The following HDAC9 variants were observed in gnomAD, a reference collection of about 807,000 sequenced individuals.
HDAC9 encodes the protein MEF-2 interacting transcription repressor (MITR) protein.
In HDAC9, 41 loss-of-function variants were observed where a neutral mutation model predicts 139.4. The observed-to-expected ratio is 0.29, with a 90% CI of 0.23 to 0.38. HDAC9 has a LOEUF of 0.38. HDAC9 is among the 10% of genes least tolerant of loss of function. The pLI is 1.00. For synonymous variants in HDAC9, 517 were observed against 476.2 expected, an observed-to-expected ratio of 1.09 and a Z score of -1.12; for missense variants, 1,147 against 1,297.0, an observed-to-expected ratio of 0.88 and a Z score of 1.78.
chr7:18,694,601 T>C (rs569693347), intron 12 of HDAC9, among the ~76,000 whole-genome samples: 1 of 152,172 alleles, frequency 6.6e-6, no homozygotes, highest in South Asian at 2.1e-4. Context: ...TCAGTCCTTA[T>C]AATAATGGAA....
At chr7:18,720,028 T>A (rs140504844) in intron 12 of HDAC9, among the ~76,000 whole-genome samples, 115 of 152,324 alleles carry the variant, frequency 7.5e-4, no homozygotes, top group Non-Finnish European at 1.2e-3. Context: ...AGGAACACAC[T>A]GTTTTAATTA....
At chr7:18,268,689 G>T (rs1174987171) in intron 2 of HDAC9, among the ~76,000 whole-genome samples, 1 of 152,184 alleles carries the variant, frequency 6.6e-6, no homozygotes, top group African/African-American at 2.4e-5. Flanking sequence ...TAAAGGCAGT[G>T]AGCCATTTTG....
intron 1 of HDAC9, among the ~76,000 whole-genome samples, chr7:18,307,695 C>T (rs1161391658): frequency 2.0e-5 from 3 of 151,906 alleles, no homozygotes; most frequent in Non-Finnish European, 4.4e-5. Context: ...CCCAGCTACT[C>T]GGGAGGCTGA....
intron 2 of HDAC9, among the ~76,000 whole-genome samples, chr7:18,181,724 T>A (rs921546322): frequency 6.6e-6 from 1 of 152,046 alleles, no homozygotes; most frequent in Non-Finnish European, 1.5e-5. Context: ...CTACCCCACC[T>A]TGTGCTTGGT....
At chr7:18,502,593 T>A (rs972746239) in intron 2 of HDAC9, 1 of 152,224 alleles carries the variant, frequency 6.6e-6, no homozygotes, top group Non-Finnish European at 1.5e-5. Context: ...GAACTATGGG[T>A]GTTGACTTTC....
intron 25 of HDAC9, among the ~76,000 whole-genome samples, chr7:18,995,793 G>T (rs1223093549): frequency 6.6e-6 from 1 of 152,142 alleles, no homozygotes; most frequent in Non-Finnish European, 1.5e-5. Context: ...AAAATATTCT[G>T]ACATGTTTTA....
chr7:18,365,761 T>C (rs1158157002), intron 1 of HDAC9, among the ~76,000 whole-genome samples: 1 of 152,110 alleles, frequency 6.6e-6, no homozygotes, highest in African/African-American at 2.4e-5. Context: ...ACTTTTTAGC[T>C]ATGCCTTTGG....
chr7:18,617,661 C>A (rs993968618), intron 6 of HDAC9, among the ~76,000 whole-genome samples: 10 of 152,232 alleles, frequency 6.6e-5, no homozygotes, highest in African/African-American at 2.4e-4. Flanking sequence ...GTGCATATAT[C>A]TCTATATTAA....
chr7:18,839,787 C>T (rs1796471856), intron 21 of HDAC9, among the ~76,000 whole-genome samples: 1 of 151,962 alleles, frequency 6.6e-6, no homozygotes, highest in Non-Finnish European at 1.5e-5. Flanking sequence ...AAAGGATGTT[C>T]CAATGGTTTT....
At chr7:18,902,050 G>A (rs748938915) in intron 22 of HDAC9, among the ~76,000 whole-genome samples, 8 of 152,174 alleles carry the variant, frequency 5.3e-5, no homozygotes, top group Non-Finnish European at 1.0e-4. Context: ...ACTGCATTGT[G>A]CTATGCAATA....
At chr7:18,951,373 T>C (rs1782783773) in intron 23 of HDAC9, among the ~76,000 whole-genome samples, 1 of 151,968 alleles carries the variant, frequency 6.6e-6, no homozygotes. Flanking sequence ...TTGCTATGAG[T>C]AATGCTTGTG....
chr7:18,172,349 T>C (rs1353153658), intron 2 of HDAC9, among the ~76,000 whole-genome samples: 1 of 152,298 alleles, frequency 6.6e-6, no homozygotes, highest in Non-Finnish European at 1.5e-5. Flanking sequence ...TTTCCTTCTT[T>C]ATTAGTCTTG....
At chr7:18,763,985 A>G (rs1185179370) in intron 15 of HDAC9, among the ~76,000 whole-genome samples, 1 of 152,182 alleles carries the variant, frequency 6.6e-6, no homozygotes, top group African/African-American at 2.4e-5. Flanking sequence ...TATTTATAAG[A>G]TAAATGAAGT....
At chr7:18,947,471 T>G (rs1207118225) in intron 23 of HDAC9, among the ~76,000 whole-genome samples, 4 of 151,894 alleles carry the variant, frequency 2.6e-5, no homozygotes, top group African/African-American at 7.2e-5. Flanking sequence ...AAATAAACTT[T>G]ACGTAAACAT....
rs117103677 is a variant in HDAC9 at position 18,477,676 on chromosome 7, T to G, written c.-41-18586T>G. Among the ~76,000 whole-genome samples the G allele has an allele frequency of 1.6e-3, 250 of 152,250 alleles. 2 individuals are homozygous for G. Among genetic ancestry groups the G allele is most frequent in the East Asian group, 8.3e-3 (43 of 5,182 alleles). ...AGAGAGGAGCTTATCATTTGACAAATTACATAAGAGTTCCAGAATTTAATG... is the reference window on the plus strand; with the variant it reads ...AGAGAGGAGCTTATCATTTGACAAAGTACATAAGAGTTCCAGAATTTAATG... On this transcript the variant is annotated intron_variant, in intron 1 of 3. Transcript: ENST00000413509.
intron 23 of HDAC9, chr7:18,948,957 A>T (rs942331990): frequency 1.6e-5 from 6 of 374,554 alleles, no homozygotes; most frequent in Non-Finnish European, 3.0e-5. Context: ...GTCATTAGGA[A>T]GCAGTTCTTC....
intron 17 of HDAC9, among the ~76,000 whole-genome samples, chr7:18,809,082 A>C (rs1265166224): frequency 6.6e-6 from 1 of 152,078 alleles, no homozygotes; most frequent in African/African-American, 2.4e-5. Context: ...CAAGAATACA[A>C]AATGGGGAAA....
chr7:18,690,799 G>A (rs1391518091), intron 12 of HDAC9, among the ~76,000 whole-genome samples: 1 of 151,884 alleles, frequency 6.6e-6, no homozygotes, highest in African/African-American at 2.4e-5. Context: ...AGCACATTTT[G>A]GCATTATGCC....
chr7:18,414,187 A>C (rs1210737518), intron 1 of HDAC9, among the ~76,000 whole-genome samples: 2 of 152,176 alleles, frequency 1.3e-5, no homozygotes, highest in African/African-American at 2.4e-5. Context: ...TTTGAAAAAT[A>C]TTTGAGATAA....
Sources: gnomAD v4.1 joint callset for allele counts (sites outside exome capture counted in the v4.1 genomes callset) on GRCh38, gnomAD v4.1.1 for gene constraint, MANE v1.5 for transcripts, NCBI Gene and HGNC (gene_info 2026-07-23, HGNC 2026-07-21) for gene names.